The following SPOCK3 variants were observed in gnomAD, a reference collection of about 807,000 sequenced individuals.
SPOCK3 encodes the protein testican-3.
Under a neutral mutation model 56.6 loss-of-function variants are expected in SPOCK3, and 30 were observed. The ratio of observed to expected loss-of-function variants is 0.53; its 90% CI spans 0.40 to 0.72. The LOEUF (loss-of-function observed/expected upper bound fraction) is 0.72, where lower values mean the gene tolerates loss of function less well. Among genes scored for constraint, SPOCK3 ranks in the 30% least tolerant of loss-of-function variants. The probability of loss-of-function intolerance (pLI) is 0.00; values close to 1 mark genes in which losing one functional copy is unlikely to be tolerated. For synonymous variants in SPOCK3, 196 were observed against 183.3 expected (o/e 1.07, Z -0.56); for missense variants, 527 against 530.0 (o/e 0.99, Z 0.06).
chr4:166,974,466 TATA>T (rs904221932), intron 4 of SPOCK3, among the ~76,000 whole-genome samples: 3 of 152,174 alleles, frequency 2.0e-5, no homozygotes, highest in Non-Finnish European at 4.4e-5. Flanking sequence ...TGCTAATCAT[TATA>T]ATGTTTACAA....
Position 166,913,416 on chromosome 4 carries a change from G to C in SPOCK3, c.351-673C>G, listed in dbSNP as rs1737488878. Reference sequence around the variant, plus strand: ...GCTTTATTCCTTTGCCTATTTGTGTGAACAATTTACACAGAGTCAGGAAAA... The same window carrying C: ...GCTTTATTCCTTTGCCTATTTGTGTCAACAATTTACACAGAGTCAGGAAAA... On this transcript the variant is annotated intron_variant, in intron 4 of 10. Coordinates refer to ENST00000357545, the MANE Select transcript of SPOCK3 (RefSeq NM_001040159.2). 2.0e-5 allele frequency among the ~76,000 whole-genome samples: 3 copies of C among 151,938 alleles called. No homozygotes were observed. The South Asian group carries it at 6.2e-4, about 32-fold the overall frequency.
intron 3 of SPOCK3, among the ~76,000 whole-genome samples, chr4:167,003,844 A>G (rs1749192903): frequency 6.6e-6 from 1 of 152,200 alleles, no homozygotes; most frequent in African/African-American, 2.4e-5. Context: ...AACAACTGCC[A>G]TATAATGTAT....
In SPOCK3 at chr4:166,797,483, C is replaced by T. The variant is rs1196515595; in HGVS notation, c.590-5194G>A. Among the ~76,000 whole-genome samples, 5 of 151,796 alleles carry T rather than the reference C, an allele frequency of 3.3e-5. No individual in the cohort carries two copies. The East Asian group carries it at 7.7e-4, about 23-fold the overall frequency. On this transcript the variant is annotated intron_variant, in intron 6 of 10. Transcript: ENST00000357545. Reference sequence around the variant, plus strand: ...TTGGTGACTTTTAGTTTATGATATCCTTCCAAGAATCTCTATTTCCTTTTC... The same window carrying T: ...TTGGTGACTTTTAGTTTATGATATCTTTCCAAGAATCTCTATTTCCTTTTC...
chr4:166,854,985 G>C (rs949171338), intron 6 of SPOCK3, among the ~76,000 whole-genome samples: 1 of 151,986 alleles, frequency 6.6e-6, no homozygotes, highest in Non-Finnish European at 1.5e-5. Context: ...ACTGTATCCC[G>C]CCCCACTGCC....
chr4:166,991,610 C>T (rs1370159265), intron 4 of SPOCK3, among the ~76,000 whole-genome samples: 8 of 151,892 alleles, frequency 5.3e-5, no homozygotes, highest in Admixed American at 3.9e-4. Flanking sequence ...CCTCAAGTCA[C>T]CTGCCCACCT....
chr4:166,836,801 T>C (rs1486723530), intron 6 of SPOCK3, among the ~76,000 whole-genome samples: 2 of 152,180 alleles, frequency 1.3e-5, no homozygotes, highest in Non-Finnish European at 2.9e-5. Flanking sequence ...TAGTGAAAAT[T>C]CCCCGATCTT....
chr4:167,222,443 C>T (rs759020864), intron 2 of SPOCK3, among the ~76,000 whole-genome samples: 3 of 146,090 alleles, frequency 2.1e-5, no homozygotes, highest in South Asian at 2.1e-4. Context: ...TTATGTCGTG[C>T]TTTTTACAAT....
At chr4:167,049,393 G>T (rs1294337070) in intron 3 of SPOCK3, among the ~76,000 whole-genome samples, 1 of 152,130 alleles carries the variant, frequency 6.6e-6, no homozygotes, top group Non-Finnish European at 1.5e-5. Flanking sequence ...AGTACAGGTT[G>T]ATTACACGTG....
chr4:166,787,352 G>T (rs947424003), intron 7 of SPOCK3, among the ~76,000 whole-genome samples: 3 of 152,092 alleles, frequency 2.0e-5, no homozygotes, highest in African/African-American at 7.2e-5. Context: ...TTGCATGTTT[G>T]CACATAATAT....
At position 167,111,762 on chromosome 4, in the gene SPOCK3, C is replaced by A. The variant is rs1226197314; in HGVS notation, c.190-49225G>T. On this transcript the variant is annotated intron_variant, in intron 2 of 10. Transcript: ENST00000357545. ...TAGTGCCACTAGCTTAAAAGTAGCA[C>A]TTTTTTTTTTTTTGAGACAAGGTCT... is the stretch of plus-strand genomic sequence containing the variant. Among the ~76,000 whole-genome samples the A allele has an allele frequency of 2.1e-5, 3 of 145,790 alleles. No homozygotes were observed. In the East Asian group the frequency reaches 6.0e-4, roughly 29 times the overall value.
At chr4:167,069,527 G>A (rs536286393) in intron 2 of SPOCK3, among the ~76,000 whole-genome samples, 3 of 151,846 alleles carry the variant, frequency 2.0e-5, no homozygotes, top group South Asian at 2.1e-4. Context: ...GGTTCGTAGC[G>A]GGCGGGTTTG....
intron 2 of SPOCK3, among the ~76,000 whole-genome samples, chr4:167,181,652 T>C (rs1364024945): frequency 6.6e-6 from 1 of 152,108 alleles, no homozygotes; most frequent in Non-Finnish European, 1.5e-5. Flanking sequence ...ATTCCCATAC[T>C]CCCAACCCAG....
chr4:167,123,573 A>G (rs1015604142), intron 2 of SPOCK3, among the ~76,000 whole-genome samples: 19 of 151,802 alleles, frequency 1.3e-4, no homozygotes, highest in Admixed American at 1.2e-3. Flanking sequence ...AAGATGTTCC[A>G]TGGTTCTAGG....
chr4:166,937,405 T>C (rs1390773319), intron 4 of SPOCK3, among the ~76,000 whole-genome samples: 1 of 149,606 alleles, frequency 6.7e-6, no homozygotes, highest in African/African-American at 2.4e-5. Flanking sequence ...ATATTATATG[T>C]TATATATAAT....
chr4:167,126,805 T>G (rs960326679), intron 2 of SPOCK3, among the ~76,000 whole-genome samples: 1 of 152,204 alleles, frequency 6.6e-6, no homozygotes, highest in Non-Finnish European at 1.5e-5. Context: ...TTATTTTATC[T>G]GTTCCAGGCA....
chr4:166,734,602 A>T lies in SPOCK3; in HGVS notation c.*319T>A, dbSNP rs1734032581. The T allele has an allele frequency of 1.4e-5, 3 of 207,538 alleles. No individual in the cohort carries two copies. Among genetic ancestry groups the T allele is most frequent in the African/African-American group, 6.8e-5 (3 of 43,836 alleles). The allele number at this position is 207,538 out of a possible 1,614,324, so 12.9% of individuals were successfully genotyped here. A position where few individuals can be genotyped will look rare whatever the true frequency, so the allele number is the denominator to read the frequency against. ...ATTAACATGTACGATCCCAAGCACT[A>T]GCTGTCATTTTGCTTATGGAAGATT... is the stretch of plus-strand genomic sequence containing the variant. On this transcript the variant is annotated 3_prime_UTR_variant, in exon 11 of 11. Coordinates refer to ENST00000357545, the MANE Select transcript of SPOCK3 (RefSeq NM_001040159.2).
intron 2 of SPOCK3, chr4:167,119,853 C>T: frequency 6.5e-7 from 1 of 1,528,736 alleles, no homozygotes; most frequent in Non-Finnish European, 8.7e-7. Flanking sequence ...ACTGTCCTGT[C>T]AAATAATCGT....
chr4:167,131,804 T>G (rs1055768612), intron 2 of SPOCK3, among the ~76,000 whole-genome samples: 1 of 152,192 alleles, frequency 6.6e-6, no homozygotes, highest in Non-Finnish European at 1.5e-5. Flanking sequence ...ATAGAATTTT[T>G]TTAACGCTGC....
At chr4:166,934,923 A>AG (rs1199920177) in intron 4 of SPOCK3, among the ~76,000 whole-genome samples, 1 of 151,986 alleles carries the variant, frequency 6.6e-6, no homozygotes, top group Non-Finnish European at 1.5e-5. Context: ...AGAAAAGAAA[A>AG]AAAAAACTGA....
Sources: allele counts gnomAD v4.1 joint callset (sites outside exome capture counted in the v4.1 genomes callset), GRCh38; gene constraint gnomAD v4.1.1; transcripts MANE v1.5; gene names NCBI Gene and HGNC (gene_info 2026-07-23, HGNC 2026-07-21).